Variants in FBXL13 observed in about 807,000 individuals in gnomAD.
FBXL13 encodes F-box and leucine-rich repeat protein 13.
FBXL13 carries 67 observed loss-of-function variants against 83.6 expected under a neutral mutation model. That is an observed-to-expected ratio of 0.80 (90% CI 0.66 to 0.98). FBXL13 has a LOEUF of 0.98. Ranked by LOEUF, FBXL13 falls within the 50% of genes least tolerant of loss-of-function variation. The probability of loss-of-function intolerance (pLI) is 0.00; values close to 1 mark genes in which losing one functional copy is unlikely to be tolerated. For missense variants in FBXL13, 822 were observed against 866.5 expected, an observed-to-expected ratio of 0.95 and a Z score of 0.64; for synonymous variants, 272 against 299.5, an observed-to-expected ratio of 0.91 and a Z score of 0.95.
intron 2 of FBXL13, among the ~76,000 whole-genome samples, chr7:103,053,520 T>G (rs1349398182): frequency 6.6e-6 from 1 of 152,186 alleles, no homozygotes; most frequent in East Asian, 1.9e-4. Flanking sequence ...CAGCCTGATT[T>G]TATATAAGGT....
chr7:103,016,785 C>T (rs1792396551), intron 6 of FBXL13, among the ~76,000 whole-genome samples: 1 of 152,182 alleles, frequency 6.6e-6, no homozygotes, highest in Admixed American at 6.5e-5. Context: ...GGGAGGGGCG[C>T]CCGCCATTGC....
At chr7:103,024,694 C>A (rs1215788867) in intron 6 of FBXL13, among the ~76,000 whole-genome samples, 1 of 149,694 alleles carries the variant, frequency 6.7e-6, no homozygotes, top group African/African-American at 2.5e-5. Flanking sequence ...ATAGGAATTA[C>A]AATGTAAAAA....
chr7:102,853,998 T>G (rs181753416), intron 17 of FBXL13, among the ~76,000 whole-genome samples: 29,682 of 152,092 alleles, frequency 0.2, 3,178 homozygotes, highest in East Asian at 0.43. Flanking sequence ...AAATACCATT[T>G]GACCCAGCCA....
intron 6 of FBXL13, among the ~76,000 whole-genome samples, chr7:102,970,252 AAAAAT>A (rs1331587314): frequency 4.6e-5 from 7 of 152,216 alleles, no homozygotes; most frequent in African/African-American, 9.6e-5. Context: ...CTCTGTCTCA[AAAAAT>A]AAAATAAAAT....
At chr7:102,928,601 A>G (rs756532840) in intron 9 of FBXL13, among the ~76,000 whole-genome samples, 8 of 152,218 alleles carry the variant, frequency 5.3e-5, no homozygotes, top group Non-Finnish European at 1.0e-4. Context: ...TGACTTCCCT[A>G]TTAGAGGGCC....
exon 20 of FBXL13, chr7:102,813,470 G>T (rs1797581525): frequency 6.2e-7 from 1 of 1,614,084 alleles, no homozygotes; most frequent in Admixed American, 1.7e-5. Flanking sequence ...AACCAACGTG[G>T]AGGGTCATTA....
At chr7:103,025,984 T>C (rs1793860960) in intron 5 of FBXL13, among the ~76,000 whole-genome samples, 1 of 150,540 alleles carries the variant, frequency 6.6e-6, no homozygotes, top group Admixed American at 6.6e-5. Context: ...CAATTAACTA[T>C]ATAATATATA....
At chr7:103,054,961 C>T (rs762345632) in intron 2 of FBXL13, 127 bp downstream of exon 3, 17 of 440,390 alleles carry the variant, frequency 3.9e-5, no homozygotes, top group Non-Finnish European at 5.9e-5. Context: ...TATTCCTTCA[C>T]TTTTCTCGGT....
At chr7:102,996,195 T>C (rs1173795704) in intron 6 of FBXL13, among the ~76,000 whole-genome samples, 1 of 152,212 alleles carries the variant, frequency 6.6e-6, no homozygotes, top group African/African-American at 2.4e-5. Flanking sequence ...TGTAAGTTCA[T>C]AGTTTGTCAT....
chr7:103,000,133 AT>A (rs1185372664), intron 6 of FBXL13, among the ~76,000 whole-genome samples: 2 of 151,982 alleles, frequency 1.3e-5, no homozygotes, highest in African/African-American at 4.8e-5. Flanking sequence ...ATATTTAAAA[AT>A]TTTCATCTTA....
At chr7:102,948,743 G>C (rs1039071104) in intron 8 of FBXL13, among the ~76,000 whole-genome samples, 1 of 148,694 alleles carries the variant, frequency 6.7e-6, no homozygotes. Context: ...ACACAGTCTC[G>C]CTCTGTCACC....
chr7:103,019,553 C>CT (rs1175343277), intron 6 of FBXL13, among the ~76,000 whole-genome samples: 1 of 151,892 alleles, frequency 6.6e-6, no homozygotes, highest in African/African-American at 2.4e-5. Flanking sequence ...TTTGAAAAGA[C>CT]TAACAAAATT....
intron 11 of FBXL13, among the ~76,000 whole-genome samples, chr7:102,908,454 T>G (rs764456883): frequency 1.3e-5 from 2 of 151,972 alleles, no homozygotes; most frequent in South Asian, 4.2e-4. Context: ...TTTTCCTGGA[T>G]GGTATTGATG....
intron 11 of FBXL13, among the ~76,000 whole-genome samples, chr7:102,911,453 T>A (rs974131281): frequency 6.6e-6 from 1 of 152,170 alleles, no homozygotes; most frequent in African/African-American, 2.4e-5. Flanking sequence ...GCACATTAAG[T>A]TGTTCCTGAG....
chr7:102,952,930 G>A (rs1823644006), intron 8 of FBXL13, among the ~76,000 whole-genome samples: 1 of 152,140 alleles, frequency 6.6e-6, no homozygotes, highest in Non-Finnish European at 1.5e-5. Context: ...GTTCCAGTGA[G>A]CCAAGATTGC....
At chr7:103,066,991 G>T (rs1798462714) in intron 1 of FBXL13, among the ~76,000 whole-genome samples, 1 of 151,674 alleles carries the variant, frequency 6.6e-6, no homozygotes, top group Non-Finnish European at 1.5e-5. Context: ...CTCCATGTTG[G>T]TCAGGCTGGT....
intron 11 of FBXL13, among the ~76,000 whole-genome samples, chr7:102,897,030 A>G (rs1812335662): frequency 6.6e-6 from 1 of 151,926 alleles, no homozygotes. Context: ...TTAAGATACA[A>G]GAGTCTAAAT....
At chr7:102,817,552 A>G (rs1258554397) in intron 19 of FBXL13, among the ~76,000 whole-genome samples, 5 of 151,922 alleles carry the variant, frequency 3.3e-5, no homozygotes, top group Non-Finnish European at 7.4e-5. Context: ...CATTATCTTT[A>G]CTCTGTTGAT....
At chr7:102,813,193 G>T, downstream of FBXL13, 1 of 743,724 alleles carries the variant, frequency 1.3e-6, no homozygotes. Flanking sequence ...TGATGTGTTT[G>T]GAAATATTTG....
Sources: gnomAD v4.1 joint callset for allele counts (sites outside exome capture counted in the v4.1 genomes callset) on GRCh38, gnomAD v4.1.1 for gene constraint, MANE v1.5 for transcripts, NCBI Gene and HGNC (gene_info 2026-07-23, HGNC 2026-07-21) for gene names.